Variants in MUCL1 observed in about 807,000 individuals in gnomAD.
MUCL1 encodes mucin like 1, also known as mucin-like protein 1.
MUCL1 carries 11 observed loss-of-function variants against 9.2 expected under a neutral mutation model. The ratio of observed to expected loss-of-function variants is 1.19; its 90% CI spans 0.75 to 1.97. MUCL1 has a LOEUF of 1.97. MUCL1 is among the 30% of genes most tolerant of loss of function. The probability of loss-of-function intolerance (pLI) is 0.00; values close to 1 mark genes in which losing one functional copy is unlikely to be tolerated. For missense variants in MUCL1, 144 were observed against 110.9 expected, an observed-to-expected ratio of 1.30 and a Z score of -1.34; for synonymous variants, 48 against 40.5, an observed-to-expected ratio of 1.19 and a Z score of -0.71.
chr12:54,857,982 T>A (rs1453216006), intron 3 of MUCL1, among the ~76,000 whole-genome samples: 1 of 152,180 alleles, frequency 6.6e-6, no homozygotes, highest in Admixed American at 6.5e-5. Context: ...AGTTCCAACC[T>A]ACCTGGGCTT....
intron 1 of MUCL1, among the ~76,000 whole-genome samples, chr12:54,831,818 G>C (rs965744843): frequency 1.3e-5 from 2 of 151,972 alleles, no homozygotes; most frequent in Admixed American, 1.3e-4. Context: ...TTGTGAAATG[G>C]TATATTCATC....
At chr12:54,832,966 A>T (rs1486459939) in intron 1 of MUCL1, among the ~76,000 whole-genome samples, 1 of 152,152 alleles carries the variant, frequency 6.6e-6, no homozygotes, top group East Asian at 1.9e-4. Flanking sequence ...AAGCTTCCTT[A>T]TTAAATGAAT....
intron 1 of MUCL1, among the ~76,000 whole-genome samples, chr12:54,842,580 A>G (rs1220837829): frequency 6.6e-6 from 1 of 152,144 alleles, no homozygotes; most frequent in Non-Finnish European, 1.5e-5. Context: ...ACAAATACGT[A>G]CATTGTTATA....
At chr12:54,844,368 T>A (rs1247573736) in intron 1 of MUCL1, among the ~76,000 whole-genome samples, 2 of 152,184 alleles carry the variant, frequency 1.3e-5, no homozygotes, top group Non-Finnish European at 2.9e-5. Context: ...TGAGGAACAA[T>A]GCCCTTATGA....
At chr12:54,836,503 T>C (rs1365116401), upstream of MUCL1, among the ~76,000 whole-genome samples, 2 of 152,214 alleles carry the variant, frequency 1.3e-5, no homozygotes, top group Non-Finnish European at 2.9e-5. Flanking sequence ...TAGCTAATGG[T>C]TTTCCAATTG....
At chr12:54,855,258 A>T in intron 2 of MUCL1, 101 bp downstream of exon 2, 1 of 1,009,464 alleles carries the variant, frequency 9.9e-7, no homozygotes, top group South Asian at 1.3e-5. Flanking sequence ...TCTTTGTTAT[A>T]AGGAATCCTA....
chr12:54,831,794 A>C (rs1251951229), intron 1 of MUCL1, among the ~76,000 whole-genome samples: 1 of 152,106 alleles, frequency 6.6e-6, no homozygotes, highest in Non-Finnish European at 1.5e-5. Flanking sequence ...ATGAGGAAGC[A>C]TATGCCTCTA....
At chr12:54,834,492 TAA>T (rs549118004), upstream of MUCL1, among the ~76,000 whole-genome samples, 29 of 152,182 alleles carry the variant, frequency 1.9e-4, 1 homozygote, top group South Asian at 4.8e-3. Context: ...AATTTATCTT[TAA>T]AGTTTTGTAT....
chr12:54,832,491 G>C (rs148391696), intron 1 of MUCL1, among the ~76,000 whole-genome samples: 38 of 152,116 alleles, frequency 2.5e-4, no homozygotes, highest in African/African-American at 9.1e-4. Context: ...TAAGGGTTTT[G>C]TTTACAACTA....
At chr12:54,841,430 T>C (rs1959210911) in intron 1 of MUCL1, among the ~76,000 whole-genome samples, 6 of 152,172 alleles carry the variant, frequency 3.9e-5, no homozygotes, top group Admixed American at 3.9e-4. Flanking sequence ...CAGTTTTCCA[T>C]AATGGTTGTA....
upstream of MUCL1, among the ~76,000 whole-genome samples, chr12:54,851,893 A>G (rs10747723): frequency 0.45 from 67,788 of 151,368 alleles, 16,088 homozygotes; most frequent in East Asian, 0.84. Flanking sequence ...TCATGACTGA[A>G]CTCCCATTCC....
At chr12:54,843,915 A>G (rs11609203) in intron 1 of MUCL1, among the ~76,000 whole-genome samples, 2 of 152,150 alleles carry the variant, frequency 1.3e-5, no homozygotes, top group Admixed American at 6.5e-5. Context: ...AAAGTAATAC[A>G]CTGACATTCA....
chr12:54,836,643 G>A (rs1358604766), upstream of MUCL1, among the ~76,000 whole-genome samples: 3 of 151,916 alleles, frequency 2.0e-5, no homozygotes, highest in African/African-American at 7.2e-5. Flanking sequence ...GTTTGTCTTT[G>A]TTTCTTTAGT....
upstream of MUCL1, among the ~76,000 whole-genome samples, chr12:54,838,199 C>T (rs1174681621): frequency 1.3e-5 from 2 of 152,140 alleles, no homozygotes; most frequent in South Asian, 2.1e-4. Flanking sequence ...CTTAGTTTTG[C>T]TTGATACAGA....
upstream of MUCL1, among the ~76,000 whole-genome samples, chr12:54,852,976 A>G (rs1565778266): frequency 6.6e-6 from 1 of 152,188 alleles, no homozygotes; most frequent in Non-Finnish European, 1.5e-5. Context: ...ACCCAGGACA[A>G]GGACACTGAC....
intron 1 of MUCL1, among the ~76,000 whole-genome samples, chr12:54,841,503 T>A (rs545124189): frequency 2.0e-5 from 3 of 152,230 alleles, no homozygotes; most frequent in Non-Finnish European, 2.9e-5. Flanking sequence ...TCACCAACCC[T>A]GCCGTACTTT....
chr12:54,854,609 C>T lies in MUCL1; in HGVS notation c.27C>T (p.Leu9=). Residue 9 remains leucine, a synonymous_variant, in exon 1 of 4, where the codon CTC becomes CTT. Transcript: ENST00000308796. Reference sequence around the variant, plus strand: ...TGAAGTTCTTAGCAGTCCTGGTACTCTTGGGAGTTTCCATCTTTCTGGTCT... The same window carrying T: ...TGAAGTTCTTAGCAGTCCTGGTACTTTTGGGAGTTTCCATCTTTCTGGTCT... MKFLAVLV[L]LGVSIFLVSA... 1 of 1,613,516 alleles carries T rather than the reference C, an allele frequency of 6.2e-7. No individual in the cohort carries two copies. The highest frequency in any genetic ancestry group is 8.5e-7 in the Non-Finnish European group (1 of 1,179,634).
At chr12:54,835,409 C>G (rs1286699352), upstream of MUCL1, among the ~76,000 whole-genome samples, 1 of 152,100 alleles carries the variant, frequency 6.6e-6, no homozygotes, top group South Asian at 2.1e-4. Context: ...CACCTCTACA[C>G]CAACATCTAC....
chr12:54,836,406 A>G (rs549568420), upstream of MUCL1, among the ~76,000 whole-genome samples: 2 of 152,162 alleles, frequency 1.3e-5, no homozygotes, highest in East Asian at 3.9e-4. Flanking sequence ...ATCTTGAATT[A>G]TCTTTTGTAT....
Sources: allele counts gnomAD v4.1 joint callset (sites outside exome capture counted in the v4.1 genomes callset), GRCh38; gene constraint gnomAD v4.1.1; transcripts MANE v1.5; gene names NCBI Gene and HGNC (gene_info 2026-07-23, HGNC 2026-07-21).